MMP28: variants seen among roughly 807,000 people sequenced by gnomAD.
MMP28 encodes matrix metalloproteinase-28.
In MMP28, 55 loss-of-function variants were observed where a neutral mutation model predicts 60.5. The ratio of observed to expected loss-of-function variants is 0.91; its 90% CI spans 0.73 to 1.14. The LOEUF is 1.14. MMP28 is among the 50% of genes most tolerant of loss of function. MMP28 has a pLI of 0.00. For synonymous variants in MMP28, 318 were observed against 312.5 expected (o/e 1.02, Z -0.18); for missense variants, 686 against 738.3 (o/e 0.93, Z 0.82).
At chr17:35,760,841 C>T in intron 2 of MMP28, 1 of 1,427,140 alleles carries the variant, frequency 7.0e-7, no homozygotes, top group Non-Finnish European at 9.8e-7. Flanking sequence ...CCCTTGTGAC[C>T]TAATAGAGGC....
chr17:35,788,604 C>A (rs887200889), intron 1 of MMP28, among the ~76,000 whole-genome samples: 1 of 152,126 alleles, frequency 6.6e-6, no homozygotes, highest in Admixed American at 6.5e-5. Context: ...GTTTCTGACT[C>A]ACAAAAAGTC....
chr17:35,772,110 G>C (rs1043020671), intron 4 of MMP28, among the ~76,000 whole-genome samples: 3 of 152,110 alleles, frequency 2.0e-5, no homozygotes, highest in African/African-American at 7.2e-5. Flanking sequence ...AAAGTCAGCC[G>C]CATGTAGGAG....
intron 3 of MMP28, among the ~76,000 whole-genome samples, chr17:35,773,974 C>A (rs1055408259): frequency 1.3e-5 from 2 of 152,334 alleles, no homozygotes; most frequent in South Asian, 2.1e-4. Flanking sequence ...AGCCAACAAC[C>A]ACAAGACTCA....
intron 1 of MMP28, among the ~76,000 whole-genome samples, chr17:35,787,415 A>C (rs1319575148): frequency 6.6e-6 from 1 of 152,034 alleles, no homozygotes; most frequent in African/African-American, 2.4e-5. Context: ...ATTTTGGGTA[A>C]AGGCTTCCCC....
At chr17:35,772,558 G>A (rs1005210941) in intron 4 of MMP28, among the ~76,000 whole-genome samples, 1 of 152,208 alleles carries the variant, frequency 6.6e-6, no homozygotes, top group Admixed American at 6.5e-5. Context: ...GCTTGAAGGG[G>A]TCTGATTAGG....
intron 1 of MMP28, among the ~76,000 whole-genome samples, 187 bp downstream of exon 1, chr17:35,795,080 G>T (rs561366915): frequency 1.3e-5 from 2 of 152,356 alleles, no homozygotes; most frequent in South Asian, 4.1e-4. Context: ...CCGCGTGCCT[G>T]TGTGGTTCCA....
chr17:35,756,952 C>A (rs1292680641), intron 2 of MMP28, among the ~76,000 whole-genome samples: 1 of 151,766 alleles, frequency 6.6e-6, no homozygotes, highest in Non-Finnish European at 1.5e-5. Context: ...CATCCCAGCA[C>A]TTTAGGAAGC....
At chr17:35,764,667 A>G, downstream of MMP28, 1 of 1,511,140 alleles carries the variant, frequency 6.6e-7, no homozygotes, top group Admixed American at 2.5e-5. Flanking sequence ...CTGGCCCCAG[A>G]CCCCCTACCG....
At chr17:35,764,334 G>C, downstream of MMP28, 1 of 1,466,422 alleles carries the variant, frequency 6.8e-7, no homozygotes, top group East Asian at 2.6e-5. Flanking sequence ...AGGTGCCTGC[G>C]CGCTCCTCGA....
At position 35,767,908 on chromosome 17, in the gene MMP28, G is replaced by T. The variant is rs1322176218; in HGVS notation, c.1012C>A (p.Gln338Lys). Residue 338 changes from glutamine (Q) to lysine (K), a missense_variant, in exon 7 of 8, where the codon CAA becomes AAA. By Grantham distance (53) the Gln-to-Lys change is moderately conservative. Coordinates refer to ENST00000605424, the MANE Select transcript of MMP28 (RefSeq NM_024302.5). The stretch of plus-strand genomic sequence containing the variant: ...TGGCTCCCTTTAAAAATGTACAGTT[G>T]CTGTTGCCTGTCTGCCCAGAGACAA... ...FDAITVDRQQ[Q>K]LYIFKGSHFW... 6.3e-7 allele frequency: 1 copy of T among 1,585,744 alleles called. No individual in the cohort carries two copies. Among genetic ancestry groups the T allele is most frequent in the African/African-American group, 1.3e-5 (1 of 74,220 alleles).
intron 2 of MMP28, among the ~76,000 whole-genome samples, chr17:35,756,687 C>T (rs894733618): frequency 1.3e-5 from 2 of 151,578 alleles, no homozygotes; most frequent in African/African-American, 4.8e-5. Flanking sequence ...AGGGTGGTCT[C>T]GAATTCCTGA....
intron 1 of MMP28, among the ~76,000 whole-genome samples, chr17:35,792,905 A>G (rs1421150019): frequency 6.6e-6 from 1 of 152,198 alleles, no homozygotes; most frequent in African/African-American, 2.4e-5. Context: ...ATTAACCCCC[A>G]TTGTATGGAG....
chr17:35,786,279 A>C (rs2086646356), intron 1 of MMP28, among the ~76,000 whole-genome samples: 4 of 151,770 alleles, frequency 2.6e-5, no homozygotes, highest in Admixed American at 2.6e-4. Context: ...GCTGGTCTCA[A>C]ACTCCTGACC....
downstream of MMP28, chr17:35,764,506 A>G: frequency 1.3e-6 from 2 of 1,589,028 alleles, no homozygotes; most frequent in Non-Finnish European, 1.7e-6. Flanking sequence ...GCTTGCTGCG[A>G]GCTCCTCTTC....
At chr17:35,780,281 T>C (rs2143455905) in intron 1 of MMP28, among the ~76,000 whole-genome samples, 1 of 152,124 alleles carries the variant, frequency 6.6e-6, no homozygotes, top group South Asian at 2.1e-4. Flanking sequence ...TTGGCTAGGC[T>C]AGTCTTGAAC....
chr17:35,766,844 G>T lies in MMP28; in HGVS notation c.1219C>A (p.Gln407Lys). Reference sequence around the variant, plus strand: ...GGCAGGCCCCCTGCCCGGCACAGCTGTGGGAGACCCCACACTGGCTTGGGG... The same window carrying T: ...GGCAGGCCCCCTGCCCGGCACAGCTTTGGGAGACCCCACACTGGCTTGGGG... ...RGPKPVWGLP[Q>K]LCRAGGLPRH... Residue 407 changes from glutamine (Q) to lysine (K), a missense_variant, in exon 8 of 8, where the codon CAG (glutamine) becomes AAG (lysine). Gln to Lys is a moderately conservative substitution (Grantham distance 53, BLOSUM62 1). Transcript: ENST00000605424. This position sits in a 1 kb window ranked among gnomAD's most constrained non-coding sequence, Gnocchi z 4.3. The T allele has an allele frequency of 6.3e-7, 1 of 1,580,134 alleles. No homozygotes were observed. Among genetic ancestry groups the T allele is most frequent in the African/African-American group, 1.3e-5 (1 of 74,360 alleles).
chr17:35,793,740 G>A (rs1568212026), intron 1 of MMP28, among the ~76,000 whole-genome samples: 1 of 152,188 alleles, frequency 6.6e-6, no homozygotes, highest in Non-Finnish European at 1.5e-5. Flanking sequence ...TTTGAGGGCA[G>A]GAAAGAAGCT....
downstream of MMP28, chr17:35,763,938 A>AAATAAATG: frequency 9.3e-7 from 1 of 1,077,422 alleles, no homozygotes; most frequent in Non-Finnish European, 1.2e-6. Context: ...ATAAATAAAT[A>AAATAAATG]CATGAAAAAT....
chr17:35,760,836 G>A (rs1482751247), intron 2 of MMP28: 4 of 1,384,564 alleles, frequency 2.9e-6, no homozygotes. Flanking sequence ...CCCACCCCTT[G>A]TGACCTAATA....
Sources: gnomAD v4.1 joint callset for allele counts (sites outside exome capture counted in the v4.1 genomes callset) on GRCh38, gnomAD v4.1.1 for gene constraint, Gnocchi (gnomAD v3.1) non-coding constraint, MANE v1.5 for transcripts, NCBI Gene and HGNC (gene_info 2026-07-23, HGNC 2026-07-21) for gene names.